Variants in TBC1D32 observed in about 807,000 individuals in gnomAD.
TBC1D32 encodes TBC1 domain family member 32.
Under a neutral mutation model 170.3 loss-of-function variants are expected in TBC1D32, and 151 were observed. The observed-to-expected ratio is 0.89, with a 90% confidence interval of 0.78 to 1.01. The LOEUF is 1.01. TBC1D32 is among the 50% of genes least tolerant of loss of function. The pLI, the probability that TBC1D32 is intolerant of heterozygous loss-of-function variation, is 0.00. For missense variants in TBC1D32, 1,464 were observed against 1,457.1 expected, an observed-to-expected ratio of 1.00 and a Z score of -0.08; for synonymous variants, 498 against 488.0, an observed-to-expected ratio of 1.02 and a Z score of -0.27.
intron 1 of TBC1D32, among the ~76,000 whole-genome samples, chr6:121,326,449 A>G (rs910684683): frequency 2.6e-5 from 4 of 152,212 alleles, no homozygotes; most frequent in African/African-American, 7.2e-5. Context: ...AAACATCACT[A>G]TGTACTCCAT....
intron 20 of TBC1D32, among the ~76,000 whole-genome samples, chr6:121,238,005 C>G (rs181122317): frequency 3.3e-5 from 5 of 152,240 alleles, no homozygotes; most frequent in Non-Finnish European, 7.4e-5. Context: ...TGGCCAGATT[C>G]AAACTGAACT....
chr6:121,227,340 C>G (rs1418308866), intron 20 of TBC1D32, among the ~76,000 whole-genome samples: 2 of 151,972 alleles, frequency 1.3e-5, no homozygotes, highest in Non-Finnish European at 2.9e-5. Context: ...TCTTTTTTTC[C>G]AATCTGTATG....
intron 20 of TBC1D32, among the ~76,000 whole-genome samples, chr6:121,232,495 C>G (rs1431916500): frequency 1.3e-5 from 2 of 152,048 alleles, no homozygotes; most frequent in African/African-American, 4.8e-5. Context: ...TGCATTGAAT[C>G]TGTAAATTGC....
intron 22 of TBC1D32, among the ~76,000 whole-genome samples, chr6:121,187,777 C>T (rs1789397956): frequency 6.8e-6 from 1 of 146,080 alleles, no homozygotes. Context: ...AAAAAAAGTC[C>T]TACAGTACAA....
chr6:121,259,883 A>T (rs1045894059), intron 15 of TBC1D32, among the ~76,000 whole-genome samples: 2 of 152,166 alleles, frequency 1.3e-5, no homozygotes, highest in African/African-American at 4.8e-5. Flanking sequence ...TCATGCAGCT[A>T]ACCCAGTGTG....
At chr6:121,311,204 T>C (rs1405437238) in intron 3 of TBC1D32, among the ~76,000 whole-genome samples, 1 of 152,178 alleles carries the variant, frequency 6.6e-6, no homozygotes, top group Non-Finnish European at 1.5e-5. Flanking sequence ...CTACCAATAG[T>C]ACCCTAGGCA....
chr6:121,098,805 T>G (rs1162795030), intron 30 of TBC1D32, among the ~76,000 whole-genome samples: 1 of 151,938 alleles, frequency 6.6e-6, no homozygotes, highest in Non-Finnish European at 1.5e-5. Flanking sequence ...TCCAGGATAT[T>G]TCCATTTGGA....
chr6:121,200,236 A>C (rs1791362591), intron 22 of TBC1D32, among the ~76,000 whole-genome samples: 1 of 151,440 alleles, frequency 6.6e-6, no homozygotes. Flanking sequence ...ACTAAGAGTT[A>C]CTACGTAAGA....
chr6:121,120,201 CT>C (rs1342733130), intron 26 of TBC1D32, among the ~76,000 whole-genome samples: 4 of 152,052 alleles, frequency 2.6e-5, no homozygotes, highest in Non-Finnish European at 4.4e-5. Flanking sequence ...TGGTGAATAG[CT>C]TCAGCTGGAA....
chr6:121,135,979 G>C (rs912055574), intron 24 of TBC1D32, among the ~76,000 whole-genome samples: 2 of 151,950 alleles, frequency 1.3e-5, no homozygotes, highest in African/African-American at 2.4e-5. Context: ...TTAAGGAAAG[G>C]CAACAAAATT....
intron 11 of TBC1D32, among the ~76,000 whole-genome samples, chr6:121,294,061 T>A (rs921120020): frequency 1.3e-5 from 2 of 152,126 alleles, no homozygotes; most frequent in African/African-American, 4.8e-5. Flanking sequence ...TTCATTTTAG[T>A]CAATAACTAC....
chr6:121,149,607 T>C (rs942282695), intron 24 of TBC1D32, among the ~76,000 whole-genome samples: 1 of 152,124 alleles, frequency 6.6e-6, no homozygotes, highest in African/African-American at 2.4e-5. Flanking sequence ...TTCTGTTCCA[T>C]TGGTCTATAT....
chr6:121,244,187 T>A (rs977394748), intron 17 of TBC1D32, among the ~76,000 whole-genome samples: 2 of 152,030 alleles, frequency 1.3e-5, no homozygotes, highest in South Asian at 2.1e-4. Context: ...TTTTTAAAAA[T>A]TTATATAATA....
At chr6:121,256,887 G>C (rs1234894687) in intron 15 of TBC1D32, among the ~76,000 whole-genome samples, 1 of 151,936 alleles carries the variant, frequency 6.6e-6, no homozygotes. Context: ...GGCCAGACTG[G>C]TCTCGAACTC....
intron 17 of TBC1D32, among the ~76,000 whole-genome samples, chr6:121,247,241 A>C (rs1356763732): frequency 2.0e-5 from 3 of 152,124 alleles, no homozygotes; most frequent in Non-Finnish European, 4.4e-5. Flanking sequence ...TAAATGAAAA[A>C]CAGATAAAAT....
intron 24 of TBC1D32, among the ~76,000 whole-genome samples, chr6:121,150,137 T>C (rs771832954): frequency 1.3e-5 from 2 of 152,224 alleles, no homozygotes. Context: ...CAGTATGACA[T>C]TGGCTGTGGG....
At chr6:121,273,480 G>C (rs1462238819) in intron 15 of TBC1D32, among the ~76,000 whole-genome samples, 2 of 148,784 alleles carry the variant, frequency 1.3e-5, no homozygotes, top group Admixed American at 1.4e-4. Flanking sequence ...TCACACACCG[G>C]GGCCTGTCGT....
At chr6:121,296,163 T>C (rs1053178696) in intron 10 of TBC1D32, among the ~76,000 whole-genome samples, 6 of 152,172 alleles carry the variant, frequency 3.9e-5, no homozygotes, top group Admixed American at 3.9e-4. Context: ...ATGTCTTATG[T>C]GATTCTAGTG....
intron 17 of TBC1D32, among the ~76,000 whole-genome samples, chr6:121,244,684 G>C (rs1444617448): frequency 6.6e-6 from 1 of 152,140 alleles, no homozygotes; most frequent in Non-Finnish European, 1.5e-5. Flanking sequence ...AGATACACAT[G>C]AGCATATTAT....
Sources: gnomAD v4.1 joint callset for allele counts (sites outside exome capture counted in the v4.1 genomes callset) on GRCh38, gnomAD v4.1.1 for gene constraint, MANE v1.5 for transcripts, NCBI Gene and HGNC (gene_info 2026-07-23, HGNC 2026-07-21) for gene names.